The following KCNJ6 variants were observed in gnomAD, a reference collection of about 807,000 sequenced individuals.
The protein encoded by KCNJ6 is G protein-activated inward rectifier potassium channel 2.
A neutral mutation model predicts 34.2 loss-of-function variants in KCNJ6; 9 were observed. That is an observed-to-expected ratio of 0.26 (90% CI 0.16 to 0.46). The LOEUF (loss-of-function observed/expected upper bound fraction) is 0.46, where lower values mean the gene tolerates loss of function less well. Ranked by LOEUF, KCNJ6 falls within the 20% of genes least tolerant of loss-of-function variation. KCNJ6 has a pLI of 1.00. For synonymous variants in KCNJ6, 196 were observed against 207.1 expected, an observed-to-expected ratio of 0.95 and a Z score of 0.46; for missense variants, 236 against 531.3, an observed-to-expected ratio of 0.44 and a Z score of 5.46.
intron 1 of KCNJ6, among the ~76,000 whole-genome samples, chr21:37,858,385 T>G (rs1393473932): frequency 2.5e-5 from 2 of 81,510 alleles, no homozygotes; most frequent in Admixed American, 2.2e-4. Context: ...AGAGCAAGAC[T>G]CCGTCTCAAA....
intron 1 of KCNJ6, among the ~76,000 whole-genome samples, chr21:37,870,906 A>T (rs1340626523): frequency 1.3e-5 from 2 of 152,160 alleles, no homozygotes; most frequent in African/African-American, 2.4e-5. Context: ...TTGTGGTGTG[A>T]TCTGGGAAAT....
At chr21:37,846,351 CTCTG>C (rs1195428796) in intron 1 of KCNJ6, among the ~76,000 whole-genome samples, 2 of 129,968 alleles carry the variant, frequency 1.5e-5, no homozygotes, top group Admixed American at 8.0e-5. Flanking sequence ...GGCTGAGACA[CTCTG>C]TGTGTGTGTG....
At chr21:37,645,480 C>A (rs1235809750) in intron 3 of KCNJ6, among the ~76,000 whole-genome samples, 1 of 152,118 alleles carries the variant, frequency 6.6e-6, no homozygotes, top group East Asian at 1.9e-4. Context: ...ATCGAAGCAA[C>A]CACATCTTCT....
intron 2 of KCNJ6, among the ~76,000 whole-genome samples, chr21:37,803,898 C>T (rs2055281361): frequency 6.6e-6 from 1 of 152,164 alleles, no homozygotes. Context: ...GGAGGGCTCA[C>T]AGAAGGGGCG....
At chr21:37,914,207 C>T (rs943331624) in intron 1 of KCNJ6, among the ~76,000 whole-genome samples, 1 of 152,120 alleles carries the variant, frequency 6.6e-6, no homozygotes, top group Non-Finnish European at 1.5e-5. Context: ...AGCTTCTTTG[C>T]CTCACGTAAT....
intron 2 of KCNJ6, among the ~76,000 whole-genome samples, chr21:37,830,998 A>G (rs905464435): frequency 2.6e-5 from 4 of 152,156 alleles, no homozygotes; most frequent in East Asian, 1.9e-4. Context: ...CAGGATCAAG[A>G]AAGTCCCACC....
At chr21:37,679,829 G>T (rs1484449936) in intron 3 of KCNJ6, among the ~76,000 whole-genome samples, 3 of 152,170 alleles carry the variant, frequency 2.0e-5, no homozygotes, top group African/African-American at 7.2e-5. Flanking sequence ...ATCACATACT[G>T]TCGCCTTTCT....
intron 2 of KCNJ6, among the ~76,000 whole-genome samples, chr21:37,782,293 G>T (rs1229277018): frequency 6.6e-6 from 1 of 152,134 alleles, no homozygotes; most frequent in African/African-American, 2.4e-5. Context: ...TAGGACTTCT[G>T]ACCTCCAGAA....
At chr21:37,858,888 T>C (rs764165) in intron 1 of KCNJ6, among the ~76,000 whole-genome samples, 71,542 of 151,754 alleles carry the variant, frequency 0.47, 17,569 homozygotes, top group East Asian at 0.61. Flanking sequence ...GCAGGGAAGG[T>C]GAAGGAGGAA....
intron 2 of KCNJ6, among the ~76,000 whole-genome samples, chr21:37,830,219 T>C (rs2055418944): frequency 6.6e-6 from 1 of 152,186 alleles, no homozygotes; most frequent in Non-Finnish European, 1.5e-5. Context: ...ACTCTCCTGG[T>C]GGCTTCCTGG....
chr21:37,780,078 A>G (rs1398446718), intron 2 of KCNJ6, among the ~76,000 whole-genome samples: 2 of 152,142 alleles, frequency 1.3e-5, no homozygotes, highest in Non-Finnish European at 2.9e-5. Context: ...GATAAGAATT[A>G]TTACCTTGAA....
chr21:37,663,632 G>C (rs1787393), intron 3 of KCNJ6, among the ~76,000 whole-genome samples: 1 of 151,932 alleles, frequency 6.6e-6, no homozygotes, highest in African/African-American at 2.4e-5. Flanking sequence ...GAAGGCAAAA[G>C]GTATTGCAAG....
At chr21:37,791,252 G>C (rs754122517) in intron 2 of KCNJ6, among the ~76,000 whole-genome samples, 3 of 152,194 alleles carry the variant, frequency 2.0e-5, no homozygotes, top group Non-Finnish European at 2.9e-5. Flanking sequence ...TAATAAAATA[G>C]ATTTCCTTGT....
intron 3 of KCNJ6, among the ~76,000 whole-genome samples, chr21:37,647,543 C>T (rs890837339): frequency 6.6e-6 from 1 of 152,126 alleles, no homozygotes. Context: ...GTCCATACCC[C>T]CAATCACTTC....
rs1034392259 is a variant in KCNJ6 at position 37,802,199 on chromosome 21, C to T, written c.25+38459G>A. Among the ~76,000 whole-genome samples, 5 of 152,208 alleles carry T rather than the reference C, an allele frequency of 3.3e-5. No individual in the cohort carries two copies. The South Asian group carries it at 1.0e-3, about 32-fold the overall frequency. The stretch of plus-strand genomic sequence containing the variant: ...TCCTGTGGTCCTTTCTTAGCCTTCC[C>T]TCTAAGCAAGAAGCAGTTGTTGCAG... On this transcript the variant is annotated intron_variant, in intron 2 of 3. Coordinates refer to ENST00000609713, the MANE Select transcript of KCNJ6 (RefSeq NM_002240.5).
At chr21:37,686,693 C>T (rs1017376501) in intron 3 of KCNJ6, among the ~76,000 whole-genome samples, 13 of 152,032 alleles carry the variant, frequency 8.6e-5, no homozygotes, top group Non-Finnish European at 1.3e-4. Context: ...TCTTGAACTC[C>T]TGACCTCAGG....
chr21:37,650,698 C>T (rs1423888269), intron 3 of KCNJ6, among the ~76,000 whole-genome samples: 2 of 152,210 alleles, frequency 1.3e-5, no homozygotes, highest in Admixed American at 1.3e-4. Flanking sequence ...TTGCTTTTCA[C>T]TTGACAATTT....
chr21:37,854,947 A>AG (rs1461717230), intron 1 of KCNJ6, among the ~76,000 whole-genome samples: 2 of 152,248 alleles, frequency 1.3e-5, no homozygotes, highest in African/African-American at 4.8e-5. Flanking sequence ...AACAATTGTT[A>AG]GGACAACTAC....
chr21:37,628,566 C>T (rs566627380), intron 3 of KCNJ6, among the ~76,000 whole-genome samples: 13 of 152,110 alleles, frequency 8.5e-5, no homozygotes, highest in East Asian at 3.9e-4. Context: ...TACCAACGTA[C>T]GCATAATAGG....
Sources: gnomAD v4.1 joint callset for allele counts (sites outside exome capture counted in the v4.1 genomes callset) on GRCh38, gnomAD v4.1.1 for gene constraint, MANE v1.5 for transcripts, NCBI Gene and HGNC (gene_info 2026-07-23, HGNC 2026-07-21) for gene names.